Variants in CCBE1 observed in about 807,000 individuals in gnomAD.
CCBE1 encodes the protein collagen and calcium-binding EGF domain-containing protein 1.
A neutral mutation model predicts 50.0 loss-of-function variants in CCBE1; 37 were observed. The observed-to-expected ratio is 0.74, with a 90% CI of 0.57 to 0.97. The LOEUF is 0.97. CCBE1 is among the 50% of genes least tolerant of loss of function. CCBE1 has a pLI of 0.00. For synonymous variants in CCBE1, 234 were observed against 203.7 expected (o/e 1.15, Z -1.27); for missense variants, 538 against 523.8 (o/e 1.03, Z -0.26).
At chr18:59,442,667 G>T (rs968263168) in intron 7 of CCBE1, among the ~76,000 whole-genome samples, 1 of 152,144 alleles carries the variant, frequency 6.6e-6, no homozygotes, top group South Asian at 2.1e-4. Flanking sequence ...GGCAGAGATT[G>T]CAGTGAGCCG....
chr18:59,462,263 C>T (rs1911520524), intron 5 of CCBE1, among the ~76,000 whole-genome samples: 1 of 152,188 alleles, frequency 6.6e-6, no homozygotes, highest in East Asian at 1.9e-4. Context: ...TATCAACATC[C>T]TTGCCTGAAC....
chr18:59,503,496 G>T (rs1913725098), intron 2 of CCBE1, among the ~76,000 whole-genome samples: 1 of 152,130 alleles, frequency 6.6e-6, no homozygotes, highest in African/African-American at 2.4e-5. Flanking sequence ...TCCTAATTAT[G>T]CTATATGTAC....
chr18:59,624,712 C>T (rs566001149), intron 2 of CCBE1, among the ~76,000 whole-genome samples: 33 of 152,246 alleles, frequency 2.2e-4, no homozygotes, highest in Non-Finnish European at 4.4e-5. Flanking sequence ...CAAAAGAGAG[C>T]CTTGGATGAG....
intron 2 of CCBE1, among the ~76,000 whole-genome samples, chr18:59,536,211 T>A (rs986431790): frequency 1.3e-5 from 2 of 152,234 alleles, no homozygotes; most frequent in African/African-American, 4.8e-5. Context: ...AATCGATCTT[T>A]ATGAGCTTCC....
In CCBE1 at chr18:59,435,787, G is replaced by GGAGAA; in HGVS notation, c.*116_*120dup. ...GAAGAAGAGGAGTGGAGAGACGTCA[G>GGAGAA]GAGAAGAGAAGAGAAAAATGTATGT... On this transcript the variant is annotated 3_prime_UTR_variant, in exon 11 of 11. Transcript: ENST00000439986. The GGAGAA allele has an allele frequency of 1.1e-6, 1 of 902,822 alleles. No homozygotes were observed. Among genetic ancestry groups the GGAGAA allele is most frequent in the Non-Finnish European group, 1.9e-6 (1 of 535,644 alleles). The allele number at this position is 902,822 out of a possible 1,614,324, so 55.9% of individuals were successfully genotyped here.
chr18:59,497,980 A>G (rs949533616), intron 2 of CCBE1, among the ~76,000 whole-genome samples: 13 of 152,216 alleles, frequency 8.5e-5, no homozygotes, highest in African/African-American at 3.1e-4. Context: ...GGTCGTTAAG[A>G]TAGGGTCTGG....
chr18:59,446,318 G>A (rs1306797383), intron 7 of CCBE1, among the ~76,000 whole-genome samples: 1 of 152,222 alleles, frequency 6.6e-6, no homozygotes, highest in Non-Finnish European at 1.5e-5. Context: ...ATAGCCTGGA[G>A]TTGACTTCCT....
intron 6 of CCBE1, among the ~76,000 whole-genome samples, chr18:59,453,957 C>T (rs1461723728): frequency 6.6e-6 from 1 of 152,146 alleles, no homozygotes; most frequent in Non-Finnish European, 1.5e-5. Flanking sequence ...TACCGTCAGG[C>T]ATTCGGACAG....
chr18:59,653,062 G>T (rs1394407136), intron 2 of CCBE1, among the ~76,000 whole-genome samples: 1 of 152,162 alleles, frequency 6.6e-6, no homozygotes, highest in African/African-American at 2.4e-5. Flanking sequence ...AGTGGCATTG[G>T]ACCGTTCTAA....
chr18:59,682,269 G>A (rs2054600243), intron 2 of CCBE1, among the ~76,000 whole-genome samples: 1 of 152,182 alleles, frequency 6.6e-6, no homozygotes, highest in South Asian at 2.1e-4. Context: ...GGCTGAGGCA[G>A]GAGAATTGCT....
chr18:59,619,657 AGT>A (rs1321223154), intron 2 of CCBE1, among the ~76,000 whole-genome samples: 1 of 152,178 alleles, frequency 6.6e-6, no homozygotes, highest in African/African-American at 2.4e-5. Context: ...AAGTGATCTT[AGT>A]GTTTTGTTCT....
At chr18:59,609,314 G>A (rs2053541728) in intron 2 of CCBE1, among the ~76,000 whole-genome samples, 1 of 152,192 alleles carries the variant, frequency 6.6e-6, no homozygotes, top group Non-Finnish European at 1.5e-5. Context: ...AGACTCATAT[G>A]CAGTGGCTTA....
chr18:59,466,669 C>A, intron 5 of CCBE1, 70 bp downstream of exon 5: 1 of 1,039,932 alleles, frequency 9.6e-7, no homozygotes, highest in South Asian at 1.7e-5. Flanking sequence ...TATATAAACC[C>A]CCAAACTGGT....
At chr18:59,534,767 G>A (rs1339435844) in intron 2 of CCBE1, among the ~76,000 whole-genome samples, 1 of 152,156 alleles carries the variant, frequency 6.6e-6, no homozygotes, top group Non-Finnish European at 1.5e-5. Context: ...GAGAACTTCT[G>A]GCCCCAGATC....
At chr18:59,552,821 A>C (rs1432326593) in intron 2 of CCBE1, among the ~76,000 whole-genome samples, 4 of 152,198 alleles carry the variant, frequency 2.6e-5, no homozygotes, top group Non-Finnish European at 5.9e-5. Context: ...CCATACACTT[A>C]TGTCTTTGAA....
rs202155777 is a variant in CCBE1 at position 59,439,759 on chromosome 18, T to A, written c.833A>T (p.Gln278Leu). The change falls in exon 8 of 11, where the codon CAG becomes CTG. Residue 278 changes from glutamine (Q) to leucine (L), a missense_variant. Gln to Leu is a moderately radical substitution (Grantham distance 113, BLOSUM62 -2). Transcript: ENST00000439986. ...TCCCATTGAGCCCCGTGGGCCGGGC[T>A]GCCCAGGAGGGCCTGGCATACCGGG... ...GFPGMPGPPGQPGPRGSMGPM... is the reference protein window; with the variant it reads ...GFPGMPGPPGLPGPRGSMGPM... 6 of 1,614,210 alleles carry A rather than the reference T, an allele frequency of 3.7e-6. No individual in the cohort carries two copies. Among genetic ancestry groups the A allele is most frequent in the Non-Finnish European group, 5.1e-6 (6 of 1,180,026 alleles).
chr18:59,541,291 T>C (rs1469826238), intron 2 of CCBE1, among the ~76,000 whole-genome samples: 4 of 152,176 alleles, frequency 2.6e-5, no homozygotes, highest in Non-Finnish European at 5.9e-5. Flanking sequence ...TCATGACAAA[T>C]GTTCTGATGA....
At chr18:59,479,680 G>A (rs1912473453) in intron 3 of CCBE1, among the ~76,000 whole-genome samples, 1 of 152,222 alleles carries the variant, frequency 6.6e-6, no homozygotes, top group South Asian at 2.1e-4. Flanking sequence ...GATTCTATCT[G>A]CTCCCCATCC....
chr18:59,681,716 A>G (rs944407912), intron 2 of CCBE1, among the ~76,000 whole-genome samples: 1 of 151,984 alleles, frequency 6.6e-6, no homozygotes, highest in African/African-American at 2.4e-5. Context: ...CTGGGGAGTA[A>G]AAAGACTTTT....
Sources: gnomAD v4.1 joint callset for allele counts (sites outside exome capture counted in the v4.1 genomes callset) on GRCh38, gnomAD v4.1.1 for gene constraint, MANE v1.5 for transcripts, NCBI Gene and HGNC (gene_info 2026-07-23, HGNC 2026-07-21) for gene names.